Variants in PIK3CA observed in about 807,000 individuals in gnomAD.
PIK3CA encodes phosphatidylinositol-4,5-bisphosphate 3-kinase catalytic subunit alpha, also known as phosphatidylinositol 4,5-bisphosphate 3-kinase catalytic subunit alpha isoform.
PIK3CA carries 27 observed loss-of-function variants against 138.2 expected under a neutral mutation model. The observed-to-expected ratio is 0.20, with a 90% CI of 0.14 to 0.27. The LOEUF (loss-of-function observed/expected upper bound fraction) is 0.27. Among genes scored for constraint, PIK3CA ranks in the 10% least tolerant of loss-of-function variants. The probability of loss-of-function intolerance (pLI) is 1.00; values close to 1 mark genes in which losing one functional copy is unlikely to be tolerated. For missense variants in PIK3CA, 544 were observed against 1,277.4 expected (o/e 0.43, Z 8.75); for synonymous variants, 358 against 413.2 (o/e 0.87, Z 1.62).
chr3:179,212,392 C>T lies in PIK3CA; in HGVS notation c.1539+1827C>T, dbSNP rs185571225. On this transcript the variant is annotated intron_variant, in intron 9 of 20. Transcript: ENST00000263967. ...TTGGGAGGCCGAGGCGGGTGGATCACGAGGTCAGGAGTTCAAGACCAGCCC... is the reference window on the plus strand; with the variant it reads ...TTGGGAGGCCGAGGCGGGTGGATCATGAGGTCAGGAGTTCAAGACCAGCCC... Among the ~76,000 whole-genome samples, 764 of 148,272 alleles carry T rather than the reference C, an allele frequency of 5.2e-3. 20 individuals carry two copies. In the South Asian group the frequency reaches 0.062, roughly 12 times the overall value.
chr3:179,167,504 C>T (rs1328341556), intron 1 of PIK3CA, among the ~76,000 whole-genome samples: 1 of 151,998 alleles, frequency 6.6e-6, no homozygotes, highest in Non-Finnish European at 1.5e-5. Flanking sequence ...TCTTTCCCAC[C>T]CTTCTACAAA....
At chr3:179,168,827 G>T (rs562230090) in intron 1 of PIK3CA, among the ~76,000 whole-genome samples, 2 of 151,948 alleles carry the variant, frequency 1.3e-5, no homozygotes, top group South Asian at 4.2e-4. Context: ...ATGTCTAGCC[G>T]TTTCCAGGTG....
intron 14 of PIK3CA, among the ~76,000 whole-genome samples, chr3:179,223,396 G>A (rs2108416079): frequency 6.6e-6 from 1 of 152,224 alleles, no homozygotes; most frequent in East Asian, 1.9e-4. Context: ...GATTTGAATT[G>A]ATTAAAAAGG....
chr3:179,170,591 G>A (rs1723536109), intron 1 of PIK3CA, among the ~76,000 whole-genome samples: 1 of 152,180 alleles, frequency 6.6e-6, no homozygotes, highest in Non-Finnish European at 1.5e-5. Context: ...TAAGGACAGT[G>A]TGAGGAGGTT....
intron 17 of PIK3CA, 137 bp downstream of exon 17, chr3:179,226,177 G>A (rs1725076704): frequency 2.0e-6 from 1 of 489,112 alleles, no homozygotes; most frequent in South Asian, 2.8e-5. Context: ...TTACACTATA[G>A]TACTTTGACA....
At chr3:179,222,522 A>G (rs1724991533) in intron 14 of PIK3CA, among the ~76,000 whole-genome samples, 1 of 152,226 alleles carries the variant, frequency 6.6e-6, no homozygotes, top group Non-Finnish European at 1.5e-5. Flanking sequence ...ATCCTGATAA[A>G]CACATCATAA....
chr3:179,233,362 T>G (rs1046794384), intron 20 of PIK3CA: 9 of 398,244 alleles, frequency 2.3e-5, no homozygotes, highest in Non-Finnish European at 4.0e-5. Flanking sequence ...ATGACTTTTA[T>G]TATTTTGAGG....
intron 1 of PIK3CA, among the ~76,000 whole-genome samples, chr3:179,171,287 C>T (rs898198654): frequency 6.6e-6 from 1 of 152,082 alleles, no homozygotes; most frequent in Non-Finnish European, 1.5e-5. Context: ...TGGTATGTAG[C>T]TCTCAGGCAG....
intron 1 of PIK3CA, among the ~76,000 whole-genome samples, chr3:179,183,539 C>T (rs1723902546): frequency 6.6e-6 from 1 of 152,084 alleles, no homozygotes; most frequent in Admixed American, 6.6e-5. Flanking sequence ...TTGAAATGAG[C>T]AGGTTAAGAA....
Position 179,199,035 on chromosome 3 carries a change from CGTAA to C in PIK3CA, c.213_216del (p.Ser72LeufsTer27). On this transcript the variant is annotated frameshift_variant, in exon 2 of 21. Transcript: ENST00000263967. LOFTEE classifies it high-confidence loss of function. ...TTCAAGATGAATCTTCTTACATTTT[CGTAA>C]GTGTTACTCAAGAAGCAGAAAGGGA... 1 of 1,613,528 alleles carries C rather than the reference CGTAA, an allele frequency of 6.2e-7. No individual in the cohort carries two copies. The highest frequency in any genetic ancestry group is 8.5e-7 in the Non-Finnish European group (1 of 1,179,674).
At chr3:179,231,981 A>G (rs1244340793) in intron 20 of PIK3CA, among the ~76,000 whole-genome samples, 2 of 151,768 alleles carry the variant, frequency 1.3e-5, no homozygotes, top group African/African-American at 4.8e-5. Context: ...TTTCTTGCTG[A>G]TTTGAGTTCC....
intron 1 of PIK3CA, among the ~76,000 whole-genome samples, chr3:179,156,305 G>A (rs1161225168): frequency 1.3e-5 from 2 of 152,172 alleles, no homozygotes; most frequent in Non-Finnish European, 2.9e-5. Flanking sequence ...CTGGCACTGG[G>A]AGCAATTAAA....
intron 1 of PIK3CA, among the ~76,000 whole-genome samples, chr3:179,169,540 A>G (rs1723498819): frequency 6.6e-6 from 1 of 152,158 alleles, no homozygotes; most frequent in Non-Finnish European, 1.5e-5. Flanking sequence ...CACGTGACTA[A>G]TCAATTCTAC....
intron 1 of PIK3CA, among the ~76,000 whole-genome samples, chr3:179,169,516 A>AT (rs1039329775): frequency 3.9e-5 from 6 of 151,920 alleles, no homozygotes; most frequent in South Asian, 4.2e-4. Context: ...GTTAAAATTC[A>AT]TTTTTTTTCA....
At chr3:179,224,561 C>T in intron 15 of PIK3CA, 139 bp from the exon 16 acceptor site, 1 of 510,096 alleles carries the variant, frequency 2.0e-6, no homozygotes, top group Non-Finnish European at 3.3e-6. Context: ...GAATGGATTC[C>T]TAAATAAAAA....
intron 20 of PIK3CA, among the ~76,000 whole-genome samples, chr3:179,233,542 G>A (rs1035765111): frequency 3.9e-5 from 6 of 151,962 alleles, no homozygotes; most frequent in Admixed American, 2.0e-4. Context: ...ACACATTAAA[G>A]GTTTTTATTT....
intron 1 of PIK3CA, among the ~76,000 whole-genome samples, chr3:179,194,605 C>T (rs1030405773): frequency 6.6e-6 from 1 of 152,172 alleles, no homozygotes; most frequent in Non-Finnish European, 1.5e-5. Context: ...CCTTTTGCCT[C>T]TCCTTCTTTG....
At chr3:179,182,011 C>T (rs1172943940) in intron 1 of PIK3CA, among the ~76,000 whole-genome samples, 2 of 152,300 alleles carry the variant, frequency 1.3e-5, no homozygotes, top group East Asian at 3.9e-4. Context: ...TAAAAACTTT[C>T]CCATTTCTCT....
chr3:179,231,295 T>C (rs1455801837), intron 20 of PIK3CA, among the ~76,000 whole-genome samples: 1 of 152,156 alleles, frequency 6.6e-6, no homozygotes, highest in African/African-American at 2.4e-5. Context: ...CTTTTTGATA[T>C]AATGACTTCT....
Sources: gnomAD v4.1 joint callset for allele counts (sites outside exome capture counted in the v4.1 genomes callset) on GRCh38, gnomAD v4.1.1 for gene constraint, MANE v1.5 for transcripts, NCBI Gene and HGNC (gene_info 2026-07-23, HGNC 2026-07-21) for gene names.